Variants in MED13L observed in about 807,000 individuals in gnomAD.
MED13L encodes mediator of RNA polymerase II transcription subunit 13-like.
MED13L carries 7 observed loss-of-function variants against 220.9 expected under a neutral mutation model. The observed-to-expected ratio is 0.03, with a 90% CI of 0.02 to 0.06. The LOEUF is 0.06. Among genes scored for constraint, MED13L ranks in the 10% least tolerant of loss-of-function variants. The pLI is 1.00. For missense variants in MED13L, 1,965 were observed against 2,760.5 expected, an observed-to-expected ratio of 0.71 and a Z score of 6.46; for synonymous variants, 1,011 against 1,015.2, an observed-to-expected ratio of 1.00 and a Z score of 0.08.
intron 2 of MED13L, among the ~76,000 whole-genome samples, chr12:116,207,202 T>C (rs575463280): frequency 6.6e-6 from 1 of 151,906 alleles, no homozygotes; most frequent in Non-Finnish European, 1.5e-5. Context: ...GGTCTCCCCA[T>C]GTTGCCCAAA....
At chr12:116,258,882 C>A (rs562273411) in intron 1 of MED13L, among the ~76,000 whole-genome samples, 21 of 144,886 alleles carry the variant, frequency 1.4e-4, no homozygotes, top group African/African-American at 4.0e-4. Context: ...CATAATCTCA[C>A]GAGAAATCCA....
intron 2 of MED13L, among the ~76,000 whole-genome samples, chr12:116,125,315 C>G (rs1224456442): frequency 1.3e-5 from 2 of 152,172 alleles, no homozygotes; most frequent in African/African-American, 2.4e-5. Context: ...ATCAATCAAT[C>G]AATCAATGCA....
intron 29 of MED13L, 36 bp downstream of exon 29, chr12:115,966,046 A>G: frequency 6.2e-7 from 1 of 1,609,328 alleles, no homozygotes; most frequent in Non-Finnish European, 8.5e-7. Flanking sequence ...TAAATCACTC[A>G]TTCCTTGCAA....
intron 2 of MED13L, among the ~76,000 whole-genome samples, chr12:116,154,969 G>A (rs1280994048): frequency 6.6e-6 from 1 of 152,064 alleles, no homozygotes; most frequent in African/African-American, 2.4e-5. Context: ...TGGGACTTCA[G>A]GCACACAACA....
chr12:116,221,261 G>T (rs1017298170), intron 2 of MED13L, among the ~76,000 whole-genome samples: 9 of 151,598 alleles, frequency 5.9e-5, no homozygotes, highest in African/African-American at 2.2e-4. Flanking sequence ...TATAGTCTCA[G>T]CTACCCACAA....
At chr12:116,008,220 A>G in intron 10 of MED13L, 181 bp downstream of exon 10, 1 of 776,074 alleles carries the variant, frequency 1.3e-6, no homozygotes, top group Admixed American at 3.1e-5. Context: ...GTCAAATGAC[A>G]TGTGTGCTAA....
intron 2 of MED13L, among the ~76,000 whole-genome samples, chr12:116,157,018 A>C (rs1409376135): frequency 6.6e-6 from 1 of 152,178 alleles, no homozygotes; most frequent in Non-Finnish European, 1.5e-5. Flanking sequence ...GCGAGAGAGA[A>C]GGAGAGAAAC....
chr12:116,040,366 C>T (rs1183312239), intron 4 of MED13L, among the ~76,000 whole-genome samples: 1 of 152,164 alleles, frequency 6.6e-6, no homozygotes, highest in Non-Finnish European at 1.5e-5. Context: ...CATTTGAATA[C>T]AGGATTTCCT....
rs34084324 is a variant in MED13L, at chr12:116,145,697, A to ATTTATTTATTTATTTG, written c.311-34186_311-34185insCAAATAAATAAATAAA. On this transcript the variant is annotated intron_variant, in intron 2 of 30. Transcript: ENST00000281928. ...TATTTATTTATTTATTTATTTATTTATTTATTTTAAATTTTTGTAGAGTCT... is the reference window on the plus strand; with the variant it reads ...TATTTATTTATTTATTTATTTATTTATTTATTTATTTATTTGTTTATTTTAAATTTTTGTAGAGTCT... Among the ~76,000 whole-genome samples, 773 of 146,954 alleles carry ATTTATTTATTTATTTG rather than the reference A, an allele frequency of 5.3e-3. 8 individuals carry two copies. The highest frequency in any genetic ancestry group is 0.027 in the Admixed American group (400 of 14,694).
At chr12:116,030,502 AAACAC>A (rs1880673185) in intron 4 of MED13L, among the ~76,000 whole-genome samples, 1 of 152,186 alleles carries the variant, frequency 6.6e-6, no homozygotes, top group Non-Finnish European at 1.5e-5. Context: ...AGCAAGGAGT[AAACAC>A]AATAAAACGG....
At chr12:116,229,967 C>T (rs1222260578) in intron 2 of MED13L, among the ~76,000 whole-genome samples, 2 of 151,956 alleles carry the variant, frequency 1.3e-5, no homozygotes, top group Non-Finnish European at 1.5e-5. Flanking sequence ...TAATTCAGAT[C>T]CAAGAAAAAT....
intron 2 of MED13L, among the ~76,000 whole-genome samples, chr12:116,129,209 G>T (rs1441928358): frequency 1.3e-5 from 2 of 151,938 alleles, no homozygotes; most frequent in Non-Finnish European, 2.9e-5. Flanking sequence ...GAGGCAGGTG[G>T]ATAAAAATAT....
At chr12:116,205,945 T>G (rs1479188641) in intron 2 of MED13L, among the ~76,000 whole-genome samples, 10 of 142,920 alleles carry the variant, frequency 7.0e-5, no homozygotes, top group South Asian at 2.2e-4. Flanking sequence ...AAAACTTGTT[T>G]TTTTTTTTTT....
At chr12:116,130,133 A>T (rs1019402197) in intron 2 of MED13L, among the ~76,000 whole-genome samples, 3 of 152,132 alleles carry the variant, frequency 2.0e-5, no homozygotes, top group African/African-American at 7.2e-5. Context: ...AACTGCCTAA[A>T]CATTTTTGAT....
intron 2 of MED13L, among the ~76,000 whole-genome samples, chr12:116,157,538 G>C (rs1009264763): frequency 8.5e-5 from 13 of 152,098 alleles, no homozygotes; most frequent in Non-Finnish European, 1.2e-4. Context: ...TCCTTTCTTT[G>C]GCAACGGTTT....
intron 23 of MED13L, among the ~76,000 whole-genome samples, chr12:115,979,023 C>T (rs937514021): frequency 6.6e-6 from 1 of 152,156 alleles, no homozygotes; most frequent in Admixed American, 6.5e-5. Context: ...CCTGGCACAC[C>T]GTAGATGCTC....
intron 4 of MED13L, among the ~76,000 whole-genome samples, chr12:116,032,275 G>A (rs757003150): frequency 6.6e-6 from 1 of 151,900 alleles, no homozygotes; most frequent in African/African-American, 2.4e-5. Context: ...AATTCATATA[G>A]AACACAGAGT....
Position 115,991,680 on chromosome 12 carries a change from G to A in MED13L, c.3274C>T (p.Leu1092Phe), listed in dbSNP as rs1262715834. ...ATGGTGGCGGGCTCCACAGAGTTGA[G>A]GGGCCGTGTAGTAGAGGGGGTGGAG... is the stretch of plus-strand genomic sequence containing the variant. ...PASTPSTTRPLNSVEPATMQP... is the reference protein window; with the variant it reads ...PASTPSTTRPFNSVEPATMQP... The change falls in exon 17 of 31, where the codon CTC becomes TTC. Residue 1092 changes from leucine to phenylalanine, a missense_variant. Physicochemically the swap from Leu to Phe is conservative, Grantham distance 22. Around this residue, in one of 10 missense-constraint regions of MED13L, gnomAD observed 233 missense variants for 306.2 expected, o/e 0.76. Transcript: ENST00000281928. This position sits in a 1 kb window ranked among gnomAD's most constrained non-coding sequence, Gnocchi z 7.7. The A allele has an allele frequency of 9.9e-6, 16 of 1,614,074 alleles. No homozygotes were observed. The highest frequency in any genetic ancestry group is 6.7e-5 in the East Asian group (3 of 44,838).
chr12:116,256,290 C>CAAA (rs1212694657), intron 1 of MED13L, among the ~76,000 whole-genome samples: 2 of 80,294 alleles, frequency 2.5e-5, no homozygotes, highest in African/African-American at 4.7e-5. Context: ...TACTATTTAG[C>CAAA]AAAAAAAAAA....
Sources: gnomAD v4.1 joint callset for allele counts (sites outside exome capture counted in the v4.1 genomes callset) on GRCh38, gnomAD v4.1.1 for gene constraint, gnomAD v4.1.1 regional missense constraint, Gnocchi (gnomAD v3.1) non-coding constraint, MANE v1.5 for transcripts, NCBI Gene and HGNC (gene_info 2026-07-23, HGNC 2026-07-21) for gene names.